The following EGFR variants were observed in gnomAD, a reference collection of about 807,000 sequenced individuals.
The protein encoded by EGFR is avian erythroblastic leukemia viral (v-erb-b) oncogene homolog.
In EGFR, 58 loss-of-function variants were observed where a neutral mutation model predicts 143.0. The ratio of observed to expected loss-of-function variants is 0.41; its 90% CI spans 0.33 to 0.50. The LOEUF (loss-of-function observed/expected upper bound fraction) is 0.50, where lower values mean the gene tolerates loss of function less well. Ranked by LOEUF, EGFR falls within the 20% of genes least tolerant of loss-of-function variation. EGFR has a pLI of 0.39. For missense variants in EGFR, 1,307 were observed against 1,579.0 expected (o/e 0.83, Z 2.92); for synonymous variants, 613 against 594.4 (o/e 1.03, Z -0.45).
intron 1 of EGFR, among the ~76,000 whole-genome samples, chr7:55,063,953 C>T (rs987717934): frequency 5.9e-5 from 9 of 152,128 alleles, no homozygotes; most frequent in Non-Finnish European, 1.2e-4. Context: ...CCACACAAAA[C>T]CCTCAGGTGG....
chr7:55,153,937 G>A (rs567790804), intron 6 of EGFR, 74 bp from the exon 7 acceptor site: 126 of 1,607,338 alleles, frequency 7.8e-5, no homozygotes, highest in Non-Finnish European at 1.0e-4. Flanking sequence ...AGTCAACACC[G>A]TGCTGCGCTT....
intron 1 of EGFR, among the ~76,000 whole-genome samples, chr7:55,055,722 A>C (rs6973500): frequency 0.047 from 1,651 of 35,350 alleles, 29 homozygotes; most frequent in African/African-American, 0.18. Flanking sequence ...ACACACACAC[A>C]CCACACACAC....
chr7:55,137,411 A>G (rs527614165), intron 1 of EGFR, among the ~76,000 whole-genome samples: 1 of 152,348 alleles, frequency 6.6e-6, no homozygotes, highest in South Asian at 2.1e-4. Context: ...TTAATAAGTA[A>G]TATAGATTTG....
chr7:55,187,142 G>C (rs536876380), intron 20 of EGFR, among the ~76,000 whole-genome samples: 1 of 152,186 alleles, frequency 6.6e-6, no homozygotes, highest in Non-Finnish European at 1.5e-5. Context: ...GGGGAGGAGG[G>C]GTGGACCCCT....
chr7:55,170,340 CT>C, intron 15 of EGFR: 1 of 1,614,182 alleles, frequency 6.2e-7, no homozygotes, highest in Non-Finnish European at 8.5e-7. Context: ...CCATGTTATT[CT>C]GCCTTTTTAA....
intron 1 of EGFR, among the ~76,000 whole-genome samples, chr7:55,086,013 A>G (rs1013878464): frequency 6.6e-6 from 1 of 151,690 alleles, no homozygotes; most frequent in Non-Finnish European, 1.5e-5. Flanking sequence ...TAGATTTGAC[A>G]CATAGTTTGA....
At chr7:55,095,714 A>G (rs929648214) in intron 1 of EGFR, among the ~76,000 whole-genome samples, 1 of 23,914 alleles carries the variant, frequency 4.2e-5, no homozygotes, top group Non-Finnish European at 6.8e-5. Flanking sequence ...ACACAGAGAT[A>G]CACACAGACA....
chr7:55,026,630 G>T (rs565810455), intron 1 of EGFR, among the ~76,000 whole-genome samples: 1 of 152,098 alleles, frequency 6.6e-6, no homozygotes, highest in African/African-American at 2.4e-5. Flanking sequence ...TGCCAGTCTC[G>T]GGATAACCTC....
intron 6 of EGFR, among the ~76,000 whole-genome samples, chr7:55,153,344 G>A (rs1363982987): frequency 2.0e-5 from 3 of 152,256 alleles, no homozygotes; most frequent in Non-Finnish European, 2.9e-5. Flanking sequence ...TCCTGGAGAC[G>A]CCAAGGCTGG....
chr7:55,182,859 G>A (rs748223779), intron 20 of EGFR, among the ~76,000 whole-genome samples: 3 of 152,168 alleles, frequency 2.0e-5, no homozygotes, highest in Non-Finnish European at 4.4e-5. Flanking sequence ...CAGTGGTCCT[G>A]GGAGAGGGTC....
intron 1 of EGFR, among the ~76,000 whole-genome samples, chr7:55,100,267 T>C (rs543704428): frequency 6.6e-6 from 1 of 152,224 alleles, no homozygotes; most frequent in Non-Finnish European, 1.5e-5. Context: ...CCAATTTTAA[T>C]TATGTCAGGC....
intron 17 of EGFR, 40 bp downstream of exon 17, chr7:55,173,164 C>A: frequency 6.2e-7 from 1 of 1,602,284 alleles, no homozygotes; most frequent in Middle Eastern, 1.9e-4. Flanking sequence ...GCCCTCGCAC[C>A]CCGACAGGAA....
intron 1 of EGFR, among the ~76,000 whole-genome samples, chr7:55,036,576 C>T (rs896867210): frequency 1.3e-5 from 2 of 152,052 alleles, no homozygotes; most frequent in African/African-American, 4.8e-5. Flanking sequence ...AGATAGAAAA[C>T]CTACAGAGGA....
intron 1 of EGFR, among the ~76,000 whole-genome samples, chr7:55,035,643 C>A (rs1787519313): frequency 6.7e-6 from 1 of 150,250 alleles, no homozygotes; most frequent in South Asian, 2.1e-4. Context: ...AGAGATTGCA[C>A]CACTGCACTT....
intron 1 of EGFR, among the ~76,000 whole-genome samples, chr7:55,068,700 A>G (rs1789657055): frequency 6.6e-6 from 1 of 152,188 alleles, no homozygotes; most frequent in Admixed American, 6.5e-5. Flanking sequence ...TGAAGTATTG[A>G]GAACGCTCCA....
chr7:55,121,590 A>G (rs1793210461), intron 1 of EGFR, among the ~76,000 whole-genome samples: 4 of 152,084 alleles, frequency 2.6e-5, no homozygotes, highest in Admixed American at 2.6e-4. Flanking sequence ...AGCCACCACC[A>G]CTATAGTTTT....
chr7:55,054,956 C>CGA (rs1457440173), intron 1 of EGFR, among the ~76,000 whole-genome samples: 3 of 152,180 alleles, frequency 2.0e-5, no homozygotes, highest in African/African-American at 7.2e-5. Context: ...CTCCGTGTGG[C>CGA]GAGATGCACC....
intron 1 of EGFR, among the ~76,000 whole-genome samples, chr7:55,111,829 C>A (rs544490663): frequency 1.3e-5 from 2 of 152,220 alleles, no homozygotes; most frequent in African/African-American, 2.4e-5. Context: ...TTAATGGAGA[C>A]CTTTTTGAAA....
chr7:55,126,625 C>A (rs577687955), intron 1 of EGFR, among the ~76,000 whole-genome samples: 1 of 152,306 alleles, frequency 6.6e-6, no homozygotes, highest in South Asian at 2.1e-4. Flanking sequence ...GAGAGAAATG[C>A]TCCTGCACTG....
Sources: gnomAD v4.1 joint callset for allele counts (sites outside exome capture counted in the v4.1 genomes callset) on GRCh38, gnomAD v4.1.1 for gene constraint, MANE v1.5 for transcripts, NCBI Gene and HGNC (gene_info 2026-07-23, HGNC 2026-07-21) for gene names.